The following CNTN5 variants were observed in gnomAD, a reference collection of about 807,000 sequenced individuals.
CNTN5 encodes contactin-5.
A neutral mutation model predicts 129.1 loss-of-function variants in CNTN5; 77 were observed. The observed-to-expected ratio is 0.60, with a 90% CI of 0.50 to 0.72. The LOEUF is 0.72. CNTN5 is among the 30% of genes least tolerant of loss of function. The pLI, the probability that CNTN5 is intolerant of heterozygous loss-of-function variation, is 0.00. For synonymous variants in CNTN5, 509 were observed against 465.6 expected, an observed-to-expected ratio of 1.09 and a Z score of -1.20; for missense variants, 1,478 against 1,328.8, an observed-to-expected ratio of 1.11 and a Z score of -1.75.
At chr11:100,029,949 A>G (rs941934076) in intron 9 of CNTN5, among the ~76,000 whole-genome samples, 7 of 152,204 alleles carry the variant, frequency 4.6e-5, no homozygotes, top group Non-Finnish European at 1.0e-4. Context: ...CTTGTGCTTT[A>G]CTTGAATGGA....
intron 13 of CNTN5, among the ~76,000 whole-genome samples, chr11:100,105,429 C>T (rs949204180): frequency 1.3e-5 from 2 of 152,144 alleles, no homozygotes; most frequent in African/African-American, 4.8e-5. Flanking sequence ...CAAAGAATGC[C>T]TTTGCATGGC....
At chr11:100,128,875 G>T (rs1176511784) in intron 13 of CNTN5, among the ~76,000 whole-genome samples, 1 of 151,672 alleles carries the variant, frequency 6.6e-6, no homozygotes, top group Non-Finnish European at 1.5e-5. Context: ...CTTGCCCAGA[G>T]AAAAACTATC....
At chr11:100,322,590 A>G (rs530238274) in intron 21 of CNTN5, among the ~76,000 whole-genome samples, 1 of 152,158 alleles carries the variant, frequency 6.6e-6, no homozygotes, top group Non-Finnish European at 1.5e-5. Context: ...TACCATTGAC[A>G]TACATTAAGG....
chr11:99,478,572 T>G (rs1017625542), intron 2 of CNTN5, among the ~76,000 whole-genome samples: 9 of 152,138 alleles, frequency 5.9e-5, no homozygotes, highest in African/African-American at 2.2e-4. Context: ...GAGGGCCATC[T>G]TGGCATTGGC....
At chr11:99,174,577 A>G (rs1362447080) in intron 1 of CNTN5, among the ~76,000 whole-genome samples, 1 of 152,130 alleles carries the variant, frequency 6.6e-6, no homozygotes, top group East Asian at 1.9e-4. Context: ...AGGACAGTAC[A>G]AAGTCCATTT....
At chr11:99,806,408 T>C (rs775839505) in intron 3 of CNTN5, among the ~76,000 whole-genome samples, 3 of 152,258 alleles carry the variant, frequency 2.0e-5, no homozygotes, top group Non-Finnish European at 4.4e-5. Flanking sequence ...AGAAAGTAAA[T>C]ATATAAATAC....
intron 2 of CNTN5, among the ~76,000 whole-genome samples, chr11:99,511,847 TA>T (rs1946848848): frequency 6.6e-6 from 1 of 151,570 alleles, no homozygotes; most frequent in South Asian, 2.1e-4. Context: ...AATAAATAAA[TA>T]AATAATTTTG....
chr11:100,288,331 T>G (rs2138850205), intron 18 of CNTN5, among the ~76,000 whole-genome samples: 1 of 152,054 alleles, frequency 6.6e-6, no homozygotes, highest in East Asian at 1.9e-4. Flanking sequence ...ACACCACACC[T>G]ATTCGAAAAT....
chr11:100,031,774 C>T lies in CNTN5; in HGVS notation c.981-29438C>T, dbSNP rs570920685. 9.5e-4 allele frequency among the ~76,000 whole-genome samples: 144 copies of T among 152,286 alleles called. 2 individuals carry two copies. Among genetic ancestry groups the T allele is most frequent in the South Asian group, 2.1e-3 (10 of 4,832 alleles). On this transcript the variant is annotated intron_variant, in intron 9 of 24. Transcript: ENST00000524871. ...ATTCTTATCTCTGTATACTGTACTT[C>T]TACATACAGGTGTTATGTGAAAGAA... is the stretch of plus-strand genomic sequence containing the variant.
chr11:99,658,902 AAAAG>A (rs1952490309), intron 3 of CNTN5, among the ~76,000 whole-genome samples: 3 of 147,766 alleles, frequency 2.0e-5, no homozygotes, highest in Non-Finnish European at 3.0e-5. Flanking sequence ...AAAAAAAAAA[AAAAG>A]AAAAAGAAAA....
intron 2 of CNTN5, among the ~76,000 whole-genome samples, chr11:99,393,548 G>A (rs1027201238): frequency 1.3e-5 from 2 of 151,768 alleles, no homozygotes; most frequent in East Asian, 3.9e-4. Context: ...TGTAGATAGT[G>A]GAGTTGGGAT....
chr11:99,717,472 AAAAAT>A (rs1287285006), intron 3 of CNTN5, among the ~76,000 whole-genome samples: 3 of 152,070 alleles, frequency 2.0e-5, no homozygotes, highest in African/African-American at 7.2e-5. Flanking sequence ...AAAAAAGATA[AAAAAT>A]AAGAGTATAG....
At chr11:99,948,728 A>C (rs560154821) in intron 7 of CNTN5, among the ~76,000 whole-genome samples, 6 of 152,218 alleles carry the variant, frequency 3.9e-5, no homozygotes, top group Non-Finnish European at 7.3e-5. Flanking sequence ...ATTAATATAC[A>C]TAGAGCACAC....
chr11:100,261,619 A>G (rs2138748726), intron 17 of CNTN5, among the ~76,000 whole-genome samples: 1 of 152,282 alleles, frequency 6.6e-6, no homozygotes, highest in African/African-American at 2.4e-5. Context: ...AATGGAGCAG[A>G]ACAGAGACCT....
At chr11:99,451,128 A>C (rs1591080427) in intron 2 of CNTN5, among the ~76,000 whole-genome samples, 1 of 152,150 alleles carries the variant, frequency 6.6e-6, no homozygotes, top group East Asian at 1.9e-4. Context: ...GATTGTACTC[A>C]GTGAGACCTG....
At chr11:99,615,963 T>C (rs1950747653) in intron 3 of CNTN5, among the ~76,000 whole-genome samples, 1 of 152,084 alleles carries the variant, frequency 6.6e-6, no homozygotes, top group East Asian at 1.9e-4. Flanking sequence ...CTTCAACTCC[T>C]GGGCTCAAGT....
intron 9 of CNTN5, among the ~76,000 whole-genome samples, chr11:100,039,911 C>T (rs994796597): frequency 1.3e-5 from 2 of 152,074 alleles, no homozygotes; most frequent in Non-Finnish European, 2.9e-5. Context: ...GCCATTGGTT[C>T]GAATTTCCTC....
intron 1 of CNTN5, among the ~76,000 whole-genome samples, chr11:99,128,519 C>T (rs4753940): frequency 0.066 from 10,076 of 152,198 alleles, 846 homozygotes; most frequent in East Asian, 0.34. Context: ...GCAGGAGGAG[C>T]GGCCAAGGTG....
intron 1 of CNTN5, among the ~76,000 whole-genome samples, chr11:99,105,261 A>T (rs535436892): frequency 5.9e-5 from 9 of 152,264 alleles, no homozygotes; most frequent in Non-Finnish European, 1.3e-4. Context: ...CTTAAAAAGT[A>T]ATCACGCTAT....
Sources: allele counts gnomAD v4.1 joint callset (sites outside exome capture counted in the v4.1 genomes callset), GRCh38; gene constraint gnomAD v4.1.1; transcripts MANE v1.5; gene names NCBI Gene and HGNC (gene_info 2026-07-23, HGNC 2026-07-21).